Variants in PRELID2 observed in about 807,000 individuals in gnomAD.
PRELID2 encodes PRELI domain containing 2.
A neutral mutation model predicts 28.4 loss-of-function variants in PRELID2; 25 were observed. That is an observed-to-expected ratio of 0.88 (90% CI 0.64 to 1.23). PRELID2 has a LOEUF of 1.23. PRELID2 is among the 50% of genes most tolerant of loss of function. The pLI is 0.00. For missense variants in PRELID2, 201 were observed against 214.4 expected (o/e 0.94, Z 0.39); for synonymous variants, 76 against 71.6 (o/e 1.06, Z -0.31).
chr5:145,552,108 T>C (rs1752840839), intron 1 of PRELID2, among the ~76,000 whole-genome samples: 1 of 152,198 alleles, frequency 6.6e-6, no homozygotes, highest in Non-Finnish European at 1.5e-5. Context: ...TTACATTACA[T>C]AGTGTGCCCT....
At chr5:145,312,373 C>A in the PRELID2 span, among the ~76,000 whole-genome samples, 2 of 152,006 alleles carry the variant, frequency 1.3e-5, no homozygotes, top group African/African-American at 2.4e-5. Context: ...AAAAAATTTA[C>A]TCTTAGCAAT....
intron 1 of PRELID2, among the ~76,000 whole-genome samples, chr5:145,735,368 C>CT (rs1414818976): frequency 6.6e-6 from 1 of 151,780 alleles, no homozygotes; most frequent in Non-Finnish European, 1.5e-5. Context: ...TAATAAAGGG[C>CT]TTTTACAAAG....
intron 1 of PRELID2, among the ~76,000 whole-genome samples, chr5:145,599,931 TA>T (rs1416841426): frequency 6.6e-6 from 1 of 152,150 alleles, no homozygotes; most frequent in Non-Finnish European, 1.5e-5. Context: ...ACTTTTATTT[TA>T]AAACATCTTC....
intron 5 of PRELID2, among the ~76,000 whole-genome samples, chr5:145,768,450 G>A (rs965169565): frequency 2.0e-5 from 3 of 152,120 alleles, no homozygotes; most frequent in Non-Finnish European, 4.4e-5. Context: ...CTGCCCCCAT[G>A]GAGTTTACAG....
intron 1 of PRELID2, among the ~76,000 whole-genome samples, chr5:145,508,251 C>CATAAACAG (rs761200984): frequency 1.8e-4 from 19 of 105,504 alleles, no homozygotes; most frequent in Admixed American, 9.1e-4. Context: ...GTTACTTTTG[C>CATAAACAG]ATAGACAGAT....
Position 145,819,964 on chromosome 5 carries a change from A to G in PRELID2, c.188T>C (p.Val63Ala). The G allele has an allele frequency of 1.2e-6, 2 of 1,606,576 alleles. No individual in the cohort carries two copies. The highest frequency in any genetic ancestry group is 1.7e-5 in the Admixed American group (1 of 59,486). The change falls in exon 3 of 7, where the codon GTT becomes GCT. Residue 63 changes from valine to alanine, a missense_variant. By Grantham distance (64) the Val-to-Ala change is moderately conservative (BLOSUM62 0). Coordinates refer to ENST00000683046, the MANE Select transcript of PRELID2 (RefSeq NM_205846.3). ...RKRIAICQNV[V>A]PEILRKVSIL... is the part of the protein sequence containing the mutation. ...ACTTACCTTCCTTAAAATTTCTGGAACCACGTTCTGACAGATTGCAATCCT... is the reference window on the plus strand; with the variant it reads ...ACTTACCTTCCTTAAAATTTCTGGAGCCACGTTCTGACAGATTGCAATCCT...
At chr5:145,721,473 C>T (rs1755988452) in intron 1 of PRELID2, among the ~76,000 whole-genome samples, 1 of 151,654 alleles carries the variant, frequency 6.6e-6, no homozygotes, top group African/African-American at 2.4e-5. Context: ...AATCCTAATA[C>T]CAAAAGAAAT....
chr5:145,397,491 G>T, the PRELID2 span, among the ~76,000 whole-genome samples: 8 of 152,268 alleles, frequency 5.3e-5, no homozygotes, highest in East Asian at 1.4e-3. Flanking sequence ...TCAACAAACT[G>T]CAGGGTCAAA....
At chr5:145,633,434 A>G (rs2149659751) in intron 1 of PRELID2, among the ~76,000 whole-genome samples, 1 of 152,138 alleles carries the variant, frequency 6.6e-6, no homozygotes, top group African/African-American at 2.4e-5. Flanking sequence ...TGAATAGTAA[A>G]CTCTAGTTCA....
the PRELID2 span, among the ~76,000 whole-genome samples, chr5:145,251,705 G>C: frequency 6.6e-6 from 1 of 152,222 alleles, no homozygotes; most frequent in African/African-American, 2.4e-5. Flanking sequence ...CTAGGTCCTA[G>C]TTTTGGTTAT....
chr5:145,797,991 T>C (rs1169492286), intron 4 of PRELID2, among the ~76,000 whole-genome samples: 1 of 151,198 alleles, frequency 6.6e-6, no homozygotes, highest in African/African-American at 2.4e-5. Context: ...AGCGCAAGAA[T>C]AAAATGAGAC....
chr5:145,749,224 G>T (rs1008183439), intron 1 of PRELID2, among the ~76,000 whole-genome samples: 1 of 152,054 alleles, frequency 6.6e-6, no homozygotes, highest in Non-Finnish European at 1.5e-5. Flanking sequence ...CTACCCATCT[G>T]ACAAAGGTCT....
At chr5:145,749,535 C>T (rs994570155) in intron 1 of PRELID2, among the ~76,000 whole-genome samples, 6 of 152,124 alleles carry the variant, frequency 3.9e-5, no homozygotes, top group Admixed American at 6.5e-5. Flanking sequence ...ATTAGTTCAA[C>T]CATTGTGGAA....
chr5:145,763,268 T>C (rs1419678193), intron 6 of PRELID2, among the ~76,000 whole-genome samples: 1 of 152,182 alleles, frequency 6.6e-6, no homozygotes, highest in African/African-American at 2.4e-5. Context: ...CTCACAAATA[T>C]GCTAGCCGAG....
chr5:145,662,205 G>A (rs201903386), intron 1 of PRELID2, among the ~76,000 whole-genome samples: 2 of 151,984 alleles, frequency 1.3e-5, no homozygotes, highest in East Asian at 1.9e-4. Flanking sequence ...CTAGCTATCA[G>A]CCATCCGTTC....
chr5:145,809,122 C>T (rs1420794070), intron 4 of PRELID2, among the ~76,000 whole-genome samples: 5 of 150,516 alleles, frequency 3.3e-5, no homozygotes, highest in South Asian at 2.1e-4. Flanking sequence ...CTGTAATCTC[C>T]GCCTCCCAGG....
chr5:145,263,855 A>C, the PRELID2 span, among the ~76,000 whole-genome samples: 3 of 117,706 alleles, frequency 2.5e-5, no homozygotes, highest in East Asian at 4.4e-4. Flanking sequence ...AAAAGTTACC[A>C]AAAAAAAAAA....
chr5:145,684,569 A>C (rs990839403), intron 1 of PRELID2, among the ~76,000 whole-genome samples: 4 of 152,178 alleles, frequency 2.6e-5, no homozygotes, highest in Non-Finnish European at 4.4e-5. Flanking sequence ...TAATCCTCAT[A>C]GTTGTTCTGT....
the PRELID2 span, among the ~76,000 whole-genome samples, chr5:145,403,704 G>T: frequency 6.6e-6 from 1 of 152,178 alleles, no homozygotes; most frequent in Non-Finnish European, 1.5e-5. Flanking sequence ...TACGACATGG[G>T]TGTTATTATC....
Sources: gnomAD v4.1 joint callset for allele counts (sites outside exome capture counted in the v4.1 genomes callset) on GRCh38, gnomAD v4.1.1 for gene constraint, MANE v1.5 for transcripts, NCBI Gene and HGNC (gene_info 2026-07-23, HGNC 2026-07-21) for gene names.